TEKT3: variants seen among roughly 807,000 people sequenced by gnomAD.
The protein encoded by TEKT3 is tektin-3.
Under a neutral mutation model 49.8 loss-of-function variants are expected in TEKT3, and 49 were observed. That is an observed-to-expected ratio of 0.98 (90% CI 0.78 to 1.25). The LOEUF is 1.25. Among genes scored for constraint, TEKT3 ranks in the 50% most tolerant of loss-of-function variants. The pLI is 0.00. For synonymous variants in TEKT3, 225 were observed against 237.2 expected, an observed-to-expected ratio of 0.95 and a Z score of 0.47; for missense variants, 595 against 629.5, an observed-to-expected ratio of 0.95 and a Z score of 0.59.
chr17:15,314,952 C>T (rs1910937609), intron 5 of TEKT3, among the ~76,000 whole-genome samples: 2 of 152,118 alleles, frequency 1.3e-5, no homozygotes, highest in South Asian at 4.1e-4. Context: ...GACAGGGGAC[C>T]CACAGCTTAT....
rs1597656518 is a variant in TEKT3 at position 15,308,660 on chromosome 17, T to G, written c.1256+4A>C. ...GAGCCCCGAGCCTTCCCCTCCCACC[T>G]TACCGTAGCTGAGCCATGTCTCGGC... is the stretch of plus-strand genomic sequence containing the variant. On this transcript the variant is annotated splice_donor_region_variant and intron_variant, in intron 8 of 8. Transcript: ENST00000395930. The G allele has an allele frequency of 1.2e-6, 2 of 1,603,316 alleles. No homozygotes were observed. Among genetic ancestry groups the G allele is most frequent in the Non-Finnish European group, 1.7e-6 (2 of 1,172,562 alleles).
Position 15,331,286 on chromosome 17 carries a change from G to T in TEKT3, c.300C>A (p.Tyr100Ter). ...FFTRYTPDDW[Y>*]RSNLTNYQES... is the part of the protein sequence containing the mutation. ...CTTGATAGTTGGTTAAATTGGACCT[G>T]TACCAGTCATCCGGTGTGTATCTTG... is the stretch of plus-strand genomic sequence containing the variant. Residue 100 changes from tyrosine to a stop codon, truncating the protein, a stop_gained, in exon 3 of 9, where the codon TAC becomes TAA. Transcript: ENST00000395930. LOFTEE classifies it high-confidence loss of function. 6.2e-7 allele frequency: 1 copy of T among 1,614,222 alleles called. No homozygotes were observed. The highest frequency in any genetic ancestry group is 8.5e-7 in the Non-Finnish European group (1 of 1,180,046).
At chr17:15,328,131 C>T in intron 3 of TEKT3, 56 bp from the exon 4 acceptor site, 1 of 1,472,794 alleles carries the variant, frequency 6.8e-7, no homozygotes, top group Non-Finnish European at 9.5e-7. Flanking sequence ...CCATGACTAG[C>T]AGCTCTAATA....
In TEKT3 at chr17:15,308,896, A is replaced by T. The variant is rs555486545; in HGVS notation, c.1102-78T>A. Reference sequence around the variant, plus strand: ...CCCGCCTCCCACCTCTTGCCTGTCCACTCCATGTCCAGCACGTGCCTTGAC... The same window carrying T: ...CCCGCCTCCCACCTCTTGCCTGTCCTCTCCATGTCCAGCACGTGCCTTGAC... On this transcript the variant is annotated intron_variant, in intron 7 of 8. Coordinates refer to ENST00000395930, the MANE Select transcript of TEKT3 (RefSeq NM_031898.3). 207 of 1,544,728 alleles carry T rather than the reference A, an allele frequency of 1.3e-4. 3 individuals are homozygous for T. The South Asian group carries it at 1.9e-3, about 14-fold the overall frequency.
Position 15,331,542 on chromosome 17 carries a change from G to C in TEKT3, c.44C>G (p.Pro15Arg). 1 of 1,613,964 alleles carries C rather than the reference G, an allele frequency of 6.2e-7. No homozygotes were observed. Among genetic ancestry groups the C allele is most frequent in the African/African-American group, 1.3e-5 (1 of 74,982 alleles). ...GCTLTTTYAH[P>R]RPTPTNFLPA... is the part of the protein sequence containing the mutation. ...TAGAAAGTTGGTTGGTGTTGGTCTAGGGTGGGCGTAAGTTGTCGTTAAAGT... is the reference window on the plus strand; with the variant it reads ...TAGAAAGTTGGTTGGTGTTGGTCTACGGTGGGCGTAAGTTGTCGTTAAAGT... Residue 15 changes from proline (P) to arginine (R), a missense_variant, in exon 3 of 9, where the codon CCT (proline) becomes CGT (arginine). By Grantham distance (103) the Pro-to-Arg change is moderately radical. Coordinates refer to ENST00000395930, the MANE Select transcript of TEKT3 (RefSeq NM_031898.3).
chr17:15,307,524 T>C (rs1910602671), intron 8 of TEKT3, among the ~76,000 whole-genome samples: 1 of 152,246 alleles, frequency 6.6e-6, no homozygotes, highest in South Asian at 2.1e-4. Flanking sequence ...ATTATTATCA[T>C]TGCATTGATT....
chr17:15,340,772 C>G (rs1319940133), intron 1 of TEKT3, among the ~76,000 whole-genome samples: 2 of 152,122 alleles, frequency 1.3e-5, no homozygotes, highest in Non-Finnish European at 2.9e-5. Context: ...TGGGTTCACT[C>G]TACTTATTGT....
At chr17:15,312,506 C>T (rs1268456897) in intron 6 of TEKT3, 25 bp from the exon 7 acceptor site, 2 of 1,605,444 alleles carry the variant, frequency 1.2e-6, no homozygotes, top group South Asian at 2.2e-5. Flanking sequence ...CAGAAGCAGA[C>T]AACAGTGAGA....
intron 4 of TEKT3, among the ~76,000 whole-genome samples, chr17:15,325,647 C>T (rs1470714193): frequency 6.6e-6 from 1 of 151,648 alleles, no homozygotes; most frequent in African/African-American, 2.4e-5. Flanking sequence ...GTAATGGAAA[C>T]ACTAAATGTA....
At chr17:15,312,213 C>T (rs376023372) in intron 7 of TEKT3, 46 bp downstream of exon 7, 85 of 1,568,076 alleles carry the variant, frequency 5.4e-5, no homozygotes, top group Middle Eastern at 3.4e-4. Flanking sequence ...CAGAGCACAC[C>T]GCTCTGTCCA....
intron 2 of TEKT3, among the ~76,000 whole-genome samples, chr17:15,335,922 G>A (rs1242912276): frequency 1.3e-5 from 2 of 151,754 alleles, no homozygotes; most frequent in Non-Finnish European, 2.9e-5. Context: ...AACTAAAAAA[G>A]AAAATTAAAA....
upstream of TEKT3, among the ~76,000 whole-genome samples, chr17:15,342,373 G>T (rs778072055): frequency 6.6e-6 from 1 of 152,204 alleles, no homozygotes; most frequent in Non-Finnish European, 1.5e-5. Flanking sequence ...CTAACCGTGT[G>T]AGCAGCAAGA....
At chr17:15,310,825 C>A in intron 7 of TEKT3, 1 of 152,198 alleles carries the variant, frequency 6.6e-6, no homozygotes. Flanking sequence ...AGTGTCTGAC[C>A]TCATTAACCT....
chr17:15,330,957 C>T (rs1385530474), intron 3 of TEKT3, 50 bp downstream of exon 3: 3 of 1,477,840 alleles, frequency 2.0e-6, no homozygotes. Flanking sequence ...GTAACTCAAC[C>T]AGTGGGTTAT....
rs567388550 is a variant in TEKT3, at chr17:15,319,159, G to GA, written c.664-13dup. 6.7e-4 allele frequency: 1,052 copies of GA among 1,578,826 alleles called. 4 individuals are homozygous for GA. Among genetic ancestry groups the GA allele is most frequent in the South Asian group, 2.3e-3 (190 of 84,218 alleles). ...ATAGTATCAACTTCCTACTCAATTG[G>GA]AAAAAAAACATATTAATGTTTTCAT... On this transcript the variant is annotated splice_polypyrimidine_tract_variant and intron_variant, in intron 4 of 8. Transcript: ENST00000395930.
chr17:15,341,896 C>T (rs1192532088), upstream of TEKT3, among the ~76,000 whole-genome samples: 1 of 152,292 alleles, frequency 6.6e-6, no homozygotes, highest in Middle Eastern at 3.4e-3. Flanking sequence ...TCCTGTGAAG[C>T]CTGATTCGGA....
chr17:15,307,863 A>G (rs921035388), intron 8 of TEKT3, among the ~76,000 whole-genome samples: 2 of 152,182 alleles, frequency 1.3e-5, no homozygotes, highest in African/African-American at 4.8e-5. Flanking sequence ...ACTCACAGGT[A>G]TTGGGAAATT....
intron 4 of TEKT3, among the ~76,000 whole-genome samples, chr17:15,320,424 G>A (rs1057192903): frequency 1.3e-5 from 2 of 152,020 alleles, no homozygotes; most frequent in African/African-American, 2.4e-5. Context: ...TTTTATAAAT[G>A]TGCGTGGTGC....
At chr17:15,335,263 A>C (rs1391773028) in intron 2 of TEKT3, among the ~76,000 whole-genome samples, 20 of 152,232 alleles carry the variant, frequency 1.3e-4, no homozygotes, top group Admixed American at 1.3e-3. Context: ...GAGATCCAGA[A>C]ATCTACAAAG....
Sources: gnomAD v4.1 joint callset for allele counts (sites outside exome capture counted in the v4.1 genomes callset) on GRCh38, gnomAD v4.1.1 for gene constraint, MANE v1.5 for transcripts, NCBI Gene and HGNC (gene_info 2026-07-23, HGNC 2026-07-21) for gene names.